The following KCNH1 variants were observed in gnomAD, a reference collection of about 807,000 sequenced individuals.
The protein encoded by KCNH1 is voltage-gated delayed rectifier potassium channel KCNH1.
KCNH1 carries 27 observed loss-of-function variants against 69.2 expected under a neutral mutation model. The ratio of observed to expected loss-of-function variants is 0.39; its 90% confidence interval spans 0.29 to 0.54. The LOEUF is 0.54. KCNH1 is among the 20% of genes least tolerant of loss of function. The pLI is 0.68. For synonymous variants in KCNH1, 456 were observed against 487.7 expected (o/e 0.93, Z 0.86); for missense variants, 798 against 1,261.6 (o/e 0.63, Z 5.57).
chr1:210,823,216 G>A (rs1306988973), intron 7 of KCNH1, among the ~76,000 whole-genome samples: 1 of 152,030 alleles, frequency 6.6e-6, no homozygotes, highest in Non-Finnish European at 1.5e-5. Flanking sequence ...CTTTGTAAGT[G>A]GTCATACATG....
chr1:210,884,604 T>A (rs1266734363), intron 7 of KCNH1, among the ~76,000 whole-genome samples: 1 of 152,200 alleles, frequency 6.6e-6, no homozygotes. Flanking sequence ...CATGTACTTT[T>A]GGTGAGAGAA....
intron 5 of KCNH1, among the ~76,000 whole-genome samples, chr1:211,043,474 A>G (rs939063876): frequency 6.6e-6 from 1 of 152,134 alleles, no homozygotes; most frequent in African/African-American, 2.4e-5. Flanking sequence ...AAAATTACCA[A>G]CAAAAAAAAA....
chr1:210,922,107 C>T (rs867462682), intron 6 of KCNH1, among the ~76,000 whole-genome samples: 3 of 151,676 alleles, frequency 2.0e-5, no homozygotes, highest in African/African-American at 7.3e-5. Flanking sequence ...ACGGGCCAGG[C>T]GCGGTGGCTC....
At chr1:211,013,009 T>C (rs1007638492) in intron 6 of KCNH1, among the ~76,000 whole-genome samples, 1 of 152,202 alleles carries the variant, frequency 6.6e-6, no homozygotes, top group Admixed American at 6.5e-5. Context: ...GGACTGCCTA[T>C]ACAGTATTGT....
At chr1:211,047,604 A>G (rs1690115982) in intron 5 of KCNH1, among the ~76,000 whole-genome samples, 1 of 152,220 alleles carries the variant, frequency 6.6e-6, no homozygotes, top group African/African-American at 2.4e-5. Flanking sequence ...TCCTCACCTG[A>G]AAAATGAAGC....
intron 5 of KCNH1, among the ~76,000 whole-genome samples, chr1:211,029,890 A>G (rs1425651696): frequency 6.6e-6 from 1 of 152,224 alleles, no homozygotes; most frequent in African/African-American, 2.4e-5. Flanking sequence ...TTTCTACACA[A>G]TAGAAATGAA....
intron 9 of KCNH1, among the ~76,000 whole-genome samples, chr1:210,786,623 C>T (rs1049718293): frequency 2.0e-5 from 3 of 152,134 alleles, no homozygotes; most frequent in South Asian, 4.2e-4. Context: ...GCCACCTAGA[C>T]CATGATGTTC....
intron 7 of KCNH1, among the ~76,000 whole-genome samples, chr1:210,886,483 T>G (rs937737207): frequency 1.3e-5 from 2 of 152,212 alleles, no homozygotes; most frequent in East Asian, 1.9e-4. Flanking sequence ...CCAGAATGCT[T>G]CTTCTCCTCC....
chr1:210,915,297 A>C (rs1687312681), intron 7 of KCNH1, among the ~76,000 whole-genome samples: 1 of 152,102 alleles, frequency 6.6e-6, no homozygotes, highest in Non-Finnish European at 1.5e-5. Flanking sequence ...AAGAGCACCA[A>C]CTACGGTGTT....
At chr1:210,747,993 G>A (rs991969231) in intron 10 of KCNH1, among the ~76,000 whole-genome samples, 16 of 152,220 alleles carry the variant, frequency 1.1e-4, no homozygotes, top group African/African-American at 3.6e-4. Context: ...GTCAGTACAT[G>A]CCAATGCACG....
At chr1:211,076,370 G>A (rs1184078520) in intron 5 of KCNH1, among the ~76,000 whole-genome samples, 1 of 152,152 alleles carries the variant, frequency 6.6e-6, no homozygotes, top group African/African-American at 2.4e-5. Flanking sequence ...GTGCCCCTTG[G>A]GGATGAGGCC....
At chr1:210,725,987 C>T (rs1288378560) in intron 10 of KCNH1, among the ~76,000 whole-genome samples, 1 of 152,200 alleles carries the variant, frequency 6.6e-6, no homozygotes, top group Non-Finnish European at 1.5e-5. Flanking sequence ...GAGCCACAAG[C>T]TTCTGGAGGA....
intron 7 of KCNH1, among the ~76,000 whole-genome samples, chr1:210,885,989 T>TC (rs1686596020): frequency 6.6e-6 from 1 of 152,174 alleles, no homozygotes. Flanking sequence ...TAAACACTCC[T>TC]GCCTGCTGGC....
chr1:210,817,472 A>C (rs1272392950), intron 7 of KCNH1, among the ~76,000 whole-genome samples: 1 of 152,214 alleles, frequency 6.6e-6, no homozygotes, highest in Non-Finnish European at 1.5e-5. Context: ...TATCCATTTC[A>C]CTGGTAAAGA....
chr1:210,997,383 A>G (rs532128023), intron 6 of KCNH1, among the ~76,000 whole-genome samples: 1 of 152,332 alleles, frequency 6.6e-6, no homozygotes, highest in South Asian at 2.1e-4. Flanking sequence ...CTCAGGAGCC[A>G]ATGCAATCAA....
chr1:210,898,688 G>GGGC (rs1686926882), intron 7 of KCNH1, among the ~76,000 whole-genome samples: 1 of 151,584 alleles, frequency 6.6e-6, no homozygotes, highest in African/African-American at 2.4e-5. Context: ...CGGCGGGGGG[G>GGGC]GGTCCTGTCA....
At chr1:210,871,598 C>T (rs1018742185) in intron 7 of KCNH1, among the ~76,000 whole-genome samples, 1 of 152,114 alleles carries the variant, frequency 6.6e-6, no homozygotes, top group Admixed American at 6.6e-5. Context: ...AAGACACATG[C>T]ACACGTATGT....
intron 6 of KCNH1, among the ~76,000 whole-genome samples, chr1:210,934,434 C>T (rs1687737232): frequency 6.6e-6 from 1 of 152,202 alleles, no homozygotes; most frequent in Non-Finnish European, 1.5e-5. Flanking sequence ...GTGGGCAGAT[C>T]ATGAGGTCAG....
chr1:210,853,957 A>AAAAAAAAG lies in KCNH1; in HGVS notation c.1463-49792_1463-49791insCTTTTTTT, dbSNP rs1685770026. On this transcript the variant is annotated intron_variant, in intron 7 of 10. Coordinates refer to ENST00000271751, the MANE Select transcript of KCNH1 (RefSeq NM_172362.3). ...GCATTTATCTAAGCCAAAAAAAAAA[A>AAAAAAAAG]AAAAAAAAAAAGAAACCAAAGTCTT... is the stretch of plus-strand genomic sequence containing the variant. 3.4e-5 allele frequency among the ~76,000 whole-genome samples: 5 copies of AAAAAAAAG among 148,102 alleles called. 1 individual carries two copies. The highest frequency in any genetic ancestry group is 1.3e-4 in the Admixed American group (2 of 15,030).
Sources: allele counts gnomAD v4.1 joint callset (sites outside exome capture counted in the v4.1 genomes callset), GRCh38; gene constraint gnomAD v4.1.1; transcripts MANE v1.5; gene names NCBI Gene and HGNC (gene_info 2026-07-23, HGNC 2026-07-21).